The following NMU variants were observed in gnomAD, a reference collection of about 807,000 sequenced individuals.
The protein encoded by NMU is neuromedin U, also known as neuromedin-U.
Under a neutral mutation model 35.4 loss-of-function variants are expected in NMU, and 29 were observed. That is an observed-to-expected ratio of 0.82 (90% CI 0.61 to 1.12). NMU has a LOEUF of 1.12. Among genes scored for constraint, NMU ranks in the 50% most tolerant of loss-of-function variants. NMU has a pLI of 0.00. For missense variants in NMU, 199 were observed against 206.2 expected (o/e 0.97, Z 0.21); for synonymous variants, 78 against 81.3 (o/e 0.96, Z 0.22).
intron 7 of NMU, among the ~76,000 whole-genome samples, chr4:55,601,813 C>T (rs921899856): frequency 6.6e-6 from 1 of 151,766 alleles, no homozygotes; most frequent in Non-Finnish European, 1.5e-5. Flanking sequence ...ATAGAGAGAC[C>T]TAGTCTCTAC....
rs529972099 is a variant in NMU at position 55,630,960 on chromosome 4, T to C, written c.113-500A>G. On this transcript the variant is annotated intron_variant, in intron 1 of 9. Transcript: ENST00000264218. Reference sequence around the variant, plus strand: ...TAAGCCTATAGTTACCAAAACAGTATGGTACTGGTATAAAAATAGGCATTT... The same window carrying C: ...TAAGCCTATAGTTACCAAAACAGTACGGTACTGGTATAAAAATAGGCATTT... Among the ~76,000 whole-genome samples, 43 of 152,240 alleles carry C rather than the reference T, an allele frequency of 2.8e-4. 1 individual carries two copies. In the South Asian group the frequency reaches 8.7e-3, roughly 31 times the overall value.
At chr4:55,628,648 T>C (rs1370131899) in intron 2 of NMU, among the ~76,000 whole-genome samples, 1 of 151,886 alleles carries the variant, frequency 6.6e-6, no homozygotes, top group African/African-American at 2.4e-5. Flanking sequence ...ACAGGCACCA[T>C]GCCCGGATAA....
chr4:55,604,679 ATTTTTTTTTT>A (rs767568542), intron 7 of NMU, among the ~76,000 whole-genome samples: 51 of 47,618 alleles, frequency 1.1e-3, no homozygotes, highest in African/African-American at 5.0e-3. Flanking sequence ...TGCCTGGCTA[ATTTTTTTTTT>A]TTTTTTTTTT....
chr4:55,597,603 T>A (rs1471804786), intron 9 of NMU, among the ~76,000 whole-genome samples: 3 of 152,164 alleles, frequency 2.0e-5, no homozygotes, highest in African/African-American at 7.2e-5. Flanking sequence ...CGACCTCAGG[T>A]GATCCGCCCA....
rs527544884 is a variant in NMU, at chr4:55,606,407, T to C, written c.360+891A>G. Among the ~76,000 whole-genome samples, 25 of 152,340 alleles carry C rather than the reference T, an allele frequency of 1.6e-4. No individual in the cohort carries two copies. The East Asian group carries it at 3.7e-3, about 22-fold the overall frequency. ...GATTTTAAAGTGAACTGAATTCAAA[T>C]TATTGGTTTTTGGCTAACCTTAGAG... is the stretch of plus-strand genomic sequence containing the variant. On this transcript the variant is annotated intron_variant, in intron 6 of 9. Coordinates refer to ENST00000264218, the MANE Select transcript of NMU (RefSeq NM_006681.4).
intron 2 of NMU, among the ~76,000 whole-genome samples, chr4:55,628,289 A>G (rs909975102): frequency 1.3e-5 from 2 of 152,298 alleles, no homozygotes; most frequent in East Asian, 1.9e-4. Flanking sequence ...TCAATTATCC[A>G]TAAAATTATT....
chr4:55,598,484 A>C (rs897485108), intron 9 of NMU, among the ~76,000 whole-genome samples: 7 of 152,188 alleles, frequency 4.6e-5, no homozygotes, highest in Non-Finnish European at 8.8e-5. Flanking sequence ...ATGAATCTGC[A>C]TTTGGGTTTG....
chr4:55,618,551 A>C (rs898191690), intron 2 of NMU, among the ~76,000 whole-genome samples: 2 of 152,096 alleles, frequency 1.3e-5, no homozygotes, highest in African/African-American at 4.8e-5. Flanking sequence ...ATATGTTCCT[A>C]GCATCTTAAC....
chr4:55,615,746 A>G (rs959638449), intron 3 of NMU, among the ~76,000 whole-genome samples: 2 of 152,082 alleles, frequency 1.3e-5, no homozygotes, highest in Admixed American at 1.3e-4. Flanking sequence ...CAGGTACTAA[A>G]TCTAGTACCC....
intron 7 of NMU, among the ~76,000 whole-genome samples, chr4:55,601,886 C>T (rs912077552): frequency 1.3e-5 from 2 of 151,912 alleles, no homozygotes; most frequent in Admixed American, 1.3e-4. Flanking sequence ...TCCTCAGGCT[C>T]CTCAGGAGGC....
chr4:55,615,404 T>A (rs1202896105), intron 3 of NMU, among the ~76,000 whole-genome samples: 1 of 152,120 alleles, frequency 6.6e-6, no homozygotes, highest in East Asian at 1.9e-4. Flanking sequence ...AAGCTCAGAG[T>A]CACTGTCTGG....
chr4:55,618,766 CTTT>C, intron 2 of NMU, among the ~76,000 whole-genome samples: 1 of 144,970 alleles, frequency 6.9e-6, no homozygotes, highest in Non-Finnish European at 1.5e-5. Flanking sequence ...TCTTCTCTCT[CTTT>C]CTTCTCTTTC....
chr4:55,607,412 T>G, intron 5 of NMU, 25 bp downstream of exon 5: 3 of 1,205,478 alleles, frequency 2.5e-6, no homozygotes, highest in Non-Finnish European at 3.7e-6. Context: ...TTTTATAAGG[T>G]ATAGATGTAT....
chr4:55,632,937 TTC>T, intron 1 of NMU, among the ~76,000 whole-genome samples: 1 of 150,290 alleles, frequency 6.7e-6, no homozygotes, highest in Non-Finnish European at 1.5e-5. Context: ...TTTGTGGCTC[TTC>T]TAAAAAACAC....
intron 4 of NMU, among the ~76,000 whole-genome samples, chr4:55,607,899 G>T (rs1365508154): frequency 6.6e-6 from 1 of 152,172 alleles, no homozygotes; most frequent in Non-Finnish European, 1.5e-5. Context: ...AGCCGGGCGC[G>T]GTGGCTTGCG....
chr4:55,609,013 A>C, intron 4 of NMU, 107 bp downstream of exon 4: 1 of 903,264 alleles, frequency 1.1e-6, no homozygotes, highest in South Asian at 1.3e-5. Context: ...TCCTCTTCTA[A>C]CCTGTCTTGG....
chr4:55,604,604 C>A (rs1014106366), intron 7 of NMU, among the ~76,000 whole-genome samples: 5 of 145,304 alleles, frequency 3.4e-5, no homozygotes, highest in Non-Finnish European at 6.0e-5. Context: ...ACCTCTGCCT[C>A]CTGGGTTCAA....
At chr4:55,626,434 G>A (rs1338227105) in intron 2 of NMU, among the ~76,000 whole-genome samples, 1 of 152,200 alleles carries the variant, frequency 6.6e-6, no homozygotes, top group Admixed American at 6.5e-5. Flanking sequence ...GCTGGGCAGG[G>A]TGGCTCACAC....
chr4:55,595,643 A>ATTT lies in NMU; in HGVS notation c.*5-235_*5-233dup, dbSNP rs1211166376. Among the ~76,000 whole-genome samples, 347 of 66,372 alleles carry ATTT rather than the reference A, an allele frequency of 5.2e-3. 6 individuals carry two copies. Among genetic ancestry groups the ATTT allele is most frequent in the African/African-American group, 0.02 (327 of 15,968 alleles). 43.5% of individuals were successfully genotyped at this position (66,372 alleles called of 152,430 possible). A position where few individuals can be genotyped will look rare whatever the true frequency, so the allele number is the denominator to read the frequency against. ...TGTGTGTATATATATATATATATAT[A>ATTT]TTTTTTTTTTTTTTTGAGACAGAGT... On this transcript the variant is annotated intron_variant, in intron 9 of 9. Transcript: ENST00000264218.
Sources: allele counts gnomAD v4.1 joint callset (sites outside exome capture counted in the v4.1 genomes callset), GRCh38; gene constraint gnomAD v4.1.1; transcripts MANE v1.5; gene names NCBI Gene and HGNC (gene_info 2026-07-23, HGNC 2026-07-21).